The following SQOR variants were observed in gnomAD, a reference collection of about 807,000 sequenced individuals.
SQOR encodes sulfide:quinone oxidoreductase, mitochondrial.
In SQOR, 39 loss-of-function variants were observed where a neutral mutation model predicts 48.6. That is an observed-to-expected ratio of 0.80 (90% CI 0.62 to 1.05). The LOEUF is 1.05. Among genes scored for constraint, SQOR ranks in the 50% least tolerant of loss-of-function variants. The pLI is 0.00. For synonymous variants in SQOR, 220 were observed against 206.2 expected (o/e 1.07, Z -0.57); for missense variants, 561 against 559.9 (o/e 1.00, Z -0.02).
At chr15:45,662,239 A>G in intron 3 of SQOR, 114 bp downstream of exon 3, 3 of 1,109,708 alleles carry the variant, frequency 2.7e-6, no homozygotes, top group Non-Finnish European at 3.9e-6. Flanking sequence ...ATGTGTGTGC[A>G]TGAACGTATG....
At chr15:45,658,103 G>A (rs1013554434) in intron 1 of SQOR, among the ~76,000 whole-genome samples, 2 of 152,130 alleles carry the variant, frequency 1.3e-5, no homozygotes, top group African/African-American at 2.4e-5. Flanking sequence ...TGAGTCTCTC[G>A]GAGGAACTAT....
At chr15:45,667,941 C>CTTTTTTTTTTTTTTTTTTTTTT (rs1204451548) in intron 3 of SQOR, among the ~76,000 whole-genome samples, 3 of 103,276 alleles carry the variant, frequency 2.9e-5, no homozygotes, top group Non-Finnish European at 3.8e-5. Context: ...TTCTTTCTTT[C>CTTTTTTTTTTTTTTTTTTTTTT]TTTTTTTTTT....
chr15:45,639,162 A>G (rs375746380), intron 1 of SQOR, among the ~76,000 whole-genome samples: 15 of 152,186 alleles, frequency 9.9e-5, no homozygotes, highest in African/African-American at 2.7e-4. Flanking sequence ...TACCCAACCT[A>G]TGCAGAAGAG....
At position 45,670,361 on chromosome 15, in the gene SQOR, T is replaced by C. The variant is rs536144021; in HGVS notation, c.459+380T>C. Reference sequence around the variant, plus strand: ...AGATTATAAATTTTAAAGCAGACTTTAAGGGGTGGAACACCAGCAGTTAGC... The same window carrying C: ...AGATTATAAATTTTAAAGCAGACTTCAAGGGGTGGAACACCAGCAGTTAGC... On this transcript the variant is annotated intron_variant, in intron 4 of 9. Transcript: ENST00000260324. Among the ~76,000 whole-genome samples, 4 of 152,308 alleles carry C rather than the reference T, an allele frequency of 2.6e-5. No individual in the cohort carries two copies. The East Asian group carries it at 7.7e-4, about 29-fold the overall frequency.
At chr15:45,654,885 G>A (rs7174285) in intron 1 of SQOR, among the ~76,000 whole-genome samples, 23,127 of 151,936 alleles carry the variant, frequency 0.15, 2,303 homozygotes, top group African/African-American at 0.26. Context: ...TTTACATAGT[G>A]CATCAGGAAG....
At position 45,662,280 on chromosome 15, in the gene SQOR, A is replaced by T. The variant is rs114648923; in HGVS notation, c.405+155A>T. Among the ~76,000 whole-genome samples the T allele has an allele frequency of 9.0e-3, 1,366 of 152,318 alleles. 22 individuals are homozygous for T. Among genetic ancestry groups the T allele is most frequent in the African/African-American group, 0.031 (1,288 of 41,560 alleles). On this transcript the variant is annotated intron_variant, in intron 3 of 9. Transcript: ENST00000260324. ...TGAATACTACACAAGATGGCAGGGT[A>T]TGTGGTAAGTGGAGGATAGATGGAA...
upstream of SQOR, among the ~76,000 whole-genome samples, chr15:45,633,693 CAAAAAA>C (rs397854330): frequency 1.7e-3 from 129 of 77,542 alleles, 1 homozygote; most frequent in Middle Eastern, 5.9e-3. Flanking sequence ...GACTTCGCCT[CAAAAAA>C]AAAAAAAAAA....
chr15:45,673,877 T>A (rs1229982060), intron 5 of SQOR, 76 bp downstream of exon 5: 3 of 1,437,078 alleles, frequency 2.1e-6, no homozygotes, highest in African/African-American at 2.8e-5. Flanking sequence ...TTCCATTTTA[T>A]CTCTATTGTA....
chr15:45,647,544 C>A (rs1027723877), intron 1 of SQOR, among the ~76,000 whole-genome samples: 1 of 151,906 alleles, frequency 6.6e-6, no homozygotes, highest in Non-Finnish European at 1.5e-5. Context: ...CCAGGCTGGT[C>A]TCGAACTCCT....
At chr15:45,682,361 G>T in intron 6 of SQOR, 117 bp from the exon 7 acceptor site, 1 of 1,067,202 alleles carries the variant, frequency 9.4e-7, no homozygotes, top group Non-Finnish European at 1.3e-6. Flanking sequence ...AGTGCTGATT[G>T]TATAATGCTC....
chr15:45,657,431 C>T (rs1889631636), intron 1 of SQOR, among the ~76,000 whole-genome samples: 1 of 152,026 alleles, frequency 6.6e-6, no homozygotes, highest in Non-Finnish European at 1.5e-5. Flanking sequence ...AATGGAAATG[C>T]AGGGTCAAAG....
upstream of SQOR, among the ~76,000 whole-genome samples, chr15:45,633,789 G>A (rs779341432): frequency 7.9e-5 from 12 of 151,874 alleles, no homozygotes; most frequent in South Asian, 2.1e-4. Context: ...TACAGTCTGC[G>A]TTTGTATTGT....
chr15:45,660,862 G>A (rs1244631337), intron 2 of SQOR, among the ~76,000 whole-genome samples: 1 of 152,046 alleles, frequency 6.6e-6, no homozygotes, highest in Non-Finnish European at 1.5e-5. Flanking sequence ...CTACTTTGAG[G>A]CATTTTGGCA....
intron 6 of SQOR, 45 bp from the exon 7 acceptor site, chr15:45,682,433 G>C (rs1308066503): frequency 6.2e-7 from 1 of 1,605,626 alleles, no homozygotes. Context: ...TGGAGCTGTA[G>C]AAATATTGAA....
chr15:45,679,417 A>C (rs1300763592), intron 6 of SQOR, among the ~76,000 whole-genome samples: 2 of 152,150 alleles, frequency 1.3e-5, no homozygotes, highest in African/African-American at 4.8e-5. Context: ...TGGTGTGAAG[A>C]ATTGGGCCGG....
intron 9 of SQOR, among the ~76,000 whole-genome samples, chr15:45,690,082 C>CTTTTTTTTTTTTTTTTTT (rs11449007): frequency 7.3e-6 from 1 of 137,018 alleles, no homozygotes. Flanking sequence ...CCTCTTCCTC[C>CTTTTTTTTTTTTTTTTTT]TTTTTTTTTT....
intron 6 of SQOR, among the ~76,000 whole-genome samples, chr15:45,682,258 G>T (rs774267190): frequency 6.6e-6 from 1 of 152,162 alleles, no homozygotes; most frequent in Non-Finnish European, 1.5e-5. Context: ...TCTCTGTATG[G>T]GGAGATCACG....
chr15:45,681,385 TGAGCAG>T (rs1890125610), intron 6 of SQOR, among the ~76,000 whole-genome samples: 1 of 152,204 alleles, frequency 6.6e-6, no homozygotes, highest in Non-Finnish European at 1.5e-5. Context: ...ATCCTGCAGA[TGAGCAG>T]CAGCCATTTG....
rs768214464 is a variant in SQOR at position 45,676,247 on chromosome 15, A to G, written c.801A>G (p.Arg267=). ...VNYKKNLIEV[R]ADKQEAVFEN... The stretch of plus-strand genomic sequence containing the variant: ...ACAAGAAAAACCTCATTGAAGTCCG[A>G]GCCGATAAACAAGAGGCTGTATTTG... The change falls in exon 6 of 10, where the codon CGA becomes CGG. Residue 267 remains arginine, a synonymous_variant. Coordinates refer to ENST00000260324, the MANE Select transcript of SQOR (RefSeq NM_021199.4). 1 of 1,614,144 alleles carries G rather than the reference A, an allele frequency of 6.2e-7. No individual in the cohort carries two copies.
Sources: gnomAD v4.1 joint callset for allele counts (sites outside exome capture counted in the v4.1 genomes callset) on GRCh38, gnomAD v4.1.1 for gene constraint, MANE v1.5 for transcripts, NCBI Gene and HGNC (gene_info 2026-07-23, HGNC 2026-07-21) for gene names.